The following BDP1 variants were observed in gnomAD, a reference collection of about 807,000 sequenced individuals.
BDP1 encodes the protein BDP1 general transcription factor IIIB subunit.
Under a neutral mutation model 266.6 loss-of-function variants are expected in BDP1, and 169 were observed. The observed-to-expected ratio is 0.63, with a 90% CI of 0.56 to 0.72. The LOEUF is 0.72. BDP1 is among the 30% of genes least tolerant of loss of function. BDP1 has a pLI of 0.00. For synonymous variants in BDP1, 1,090 were observed against 1,022.4 expected (o/e 1.07, Z -1.26); for missense variants, 3,015 against 3,053.8 (o/e 0.99, Z 0.30).
intron 17 of BDP1, 93 bp downstream of exon 17, chr5:71,511,244 C>G (rs1764903491): frequency 2.3e-6 from 3 of 1,281,000 alleles, no homozygotes; most frequent in Non-Finnish European, 3.3e-6. Flanking sequence ...AGTCCAACAA[C>G]ACTTAAAAAT....
At chr5:71,545,840 T>TA (rs35888714) in intron 32 of BDP1, among the ~76,000 whole-genome samples, 64,545 of 142,680 alleles carry the variant, frequency 0.45, 14,395 homozygotes, top group South Asian at 0.57. Context: ...TTAATGCCAT[T>TA]AAAAAAAAAA....
At chr5:71,457,681 A>T (rs1761285548) in intron 1 of BDP1, among the ~76,000 whole-genome samples, 1 of 152,130 alleles carries the variant, frequency 6.6e-6, no homozygotes, top group Admixed American at 6.6e-5. Flanking sequence ...GTCATTATGC[A>T]TTCAACATAA....
At chr5:71,563,482 A>G (rs1743822393) in intron 38 of BDP1, among the ~76,000 whole-genome samples, 1 of 152,084 alleles carries the variant, frequency 6.6e-6, no homozygotes, top group Non-Finnish European at 1.5e-5. Context: ...TTTGTGATAA[A>G]GATTGCAATT....
At chr5:71,549,295 C>A in intron 33 of BDP1, 125 bp from the exon 34 acceptor site, 1 of 790,198 alleles carries the variant, frequency 1.3e-6, no homozygotes, top group Non-Finnish European at 2.0e-6. Context: ...TTGGGGGGAG[C>A]ATTTATTTAT....
At position 71,544,055 on chromosome 5, in the gene BDP1, A is replaced by T. The variant is rs796317582; in HGVS notation, c.6413-302A>T. ...GCCCAACCTCGGTGTACCCACCTCG[A>T]AGTCTCTTTTATATGTTGAGTTTCT... On this transcript the variant is annotated intron_variant, in intron 30 of 38. Transcript: ENST00000358731. Among the ~76,000 whole-genome samples the T allele has an allele frequency of 4.5e-4, 69 of 152,334 alleles. 1 individual carries two copies. Among genetic ancestry groups the T allele is most frequent in the African/African-American group, 1.6e-3 (68 of 41,576 alleles).
intron 25 of BDP1, among the ~76,000 whole-genome samples, chr5:71,527,708 T>C (rs1765976872): frequency 6.6e-6 from 1 of 152,210 alleles, no homozygotes; most frequent in African/African-American, 2.4e-5. Flanking sequence ...CTGTTAGAAA[T>C]AATGCTGGTA....
At position 71,566,677 on chromosome 5, in the gene BDP1, T is replaced by A. The variant is rs1170312552; in HGVS notation, c.*1792T>A. 1 of 152,248 alleles carries A rather than the reference T, an allele frequency of 6.6e-6. No homozygotes were observed. The highest frequency in any genetic ancestry group is 1.5e-5 in the Non-Finnish European group (1 of 68,048). The allele number at this position is 152,248 out of a possible 1,614,324, so 9.4% of individuals were successfully genotyped here. On this transcript the variant is annotated 3_prime_UTR_variant, in exon 39 of 39. Transcript: ENST00000358731. ...CAGTACTTGAATGAAGGACTGTGGCTGGATTGGCCTTTTAGTTTGACCCCC... is the reference window on the plus strand; with the variant it reads ...CAGTACTTGAATGAAGGACTGTGGCAGGATTGGCCTTTTAGTTTGACCCCC...
At chr5:71,508,719 A>T (rs971086857) in intron 16 of BDP1, among the ~76,000 whole-genome samples, 7 of 152,224 alleles carry the variant, frequency 4.6e-5, no homozygotes, top group African/African-American at 1.7e-4. Flanking sequence ...GTCATTTAAA[A>T]GCCCTTTCAT....
At chr5:71,494,757 C>G (rs575536257) in intron 11 of BDP1, 13 of 152,262 alleles carry the variant, frequency 8.5e-5, no homozygotes, top group African/African-American at 2.9e-4. Flanking sequence ...GCTCTGTCAC[C>G]CAGTCTGGAG....
intron 22 of BDP1, among the ~76,000 whole-genome samples, chr5:71,518,211 A>G (rs1765322565): frequency 6.6e-6 from 1 of 152,206 alleles, no homozygotes; most frequent in Non-Finnish European, 1.5e-5. Flanking sequence ...CTGTCTTAGT[A>G]ACTAGAACAT....
intron 8 of BDP1, among the ~76,000 whole-genome samples, chr5:71,485,089 A>G (rs1192704994): frequency 1.3e-5 from 2 of 152,238 alleles, no homozygotes; most frequent in East Asian, 3.8e-4. Flanking sequence ...TCGTAAATCT[A>G]TAAACAGTCT....
chr5:71,457,321 T>G (rs1364692834), intron 1 of BDP1, among the ~76,000 whole-genome samples: 29 of 151,782 alleles, frequency 1.9e-4, no homozygotes, highest in Non-Finnish European at 1.5e-5. Context: ...TTTTTTTTTT[T>G]TTTAATTAGT....
At chr5:71,498,311 G>C (rs1764016990) in intron 13 of BDP1, among the ~76,000 whole-genome samples, 1 of 152,064 alleles carries the variant, frequency 6.6e-6, no homozygotes, top group Non-Finnish European at 1.5e-5. Flanking sequence ...CACCAGGCTG[G>C]TTTCTAACTC....
chr5:71,525,386 G>C (rs1361899874), intron 25 of BDP1, among the ~76,000 whole-genome samples: 54 of 143,128 alleles, frequency 3.8e-4, no homozygotes, highest in African/African-American at 6.3e-4. Context: ...CTGGCCGGGC[G>C]GGGGGCTGAC....
chr5:71,517,307 A>AT lies in BDP1; in HGVS notation c.4861-11dup, dbSNP rs1765274054. The AT allele has an allele frequency of 6.3e-7, 1 of 1,586,612 alleles. No individual in the cohort carries two copies. Among genetic ancestry groups the AT allele is most frequent in the African/African-American group, 1.4e-5 (1 of 73,636 alleles). On this transcript the variant is annotated splice_polypyrimidine_tract_variant and intron_variant, in intron 21 of 38. Transcript: ENST00000358731. ...GCTATAAAAATAACATACTAATATGATTTTGTCTTTTCAGTCAAATTCTCA... is the reference window on the plus strand; with the variant it reads ...GCTATAAAAATAACATACTAATATGATTTTTGTCTTTTCAGTCAAATTCTCA...
intron 34 of BDP1, among the ~76,000 whole-genome samples, chr5:71,551,468 T>C (rs1463043514): frequency 6.6e-6 from 1 of 152,238 alleles, no homozygotes; most frequent in Non-Finnish European, 1.5e-5. Context: ...CAGAAGAATT[T>C]TTCTTAGTAC....
At position 71,464,964 on chromosome 5, in the gene BDP1, G is replaced by A. The variant is rs550543333; in HGVS notation, c.659+847G>A. On this transcript the variant is annotated intron_variant, in intron 4 of 38. Coordinates refer to ENST00000358731, the MANE Select transcript of BDP1 (RefSeq NM_018429.3). ...CATCTCTTGACCTCGTGATCGGCCC[G>A]CCTCGGCCTCCCAAAGTGCTGGGAT... Among the ~76,000 whole-genome samples the A allele has an allele frequency of 1.9e-4, 29 of 151,924 alleles. No homozygotes were observed. In the South Asian group the frequency reaches 4.0e-3, roughly 21 times the overall value.
At chr5:71,500,760 G>A (rs551360177) in intron 13 of BDP1, among the ~76,000 whole-genome samples, 3 of 151,448 alleles carry the variant, frequency 2.0e-5, no homozygotes, top group African/African-American at 7.3e-5. Context: ...TAACATTTCA[G>A]AAATATTTTT....
At chr5:71,462,990 G>C (rs185062032) in intron 3 of BDP1, among the ~76,000 whole-genome samples, 4 of 151,998 alleles carry the variant, frequency 2.6e-5, no homozygotes, top group African/African-American at 9.7e-5. Flanking sequence ...AAAATTACCT[G>C]GGCATTGTGG....
Sources: allele counts gnomAD v4.1 joint callset (sites outside exome capture counted in the v4.1 genomes callset), GRCh38; gene constraint gnomAD v4.1.1; transcripts MANE v1.5; gene names NCBI Gene and HGNC (gene_info 2026-07-23, HGNC 2026-07-21).